The following GRID2 variants were observed in gnomAD, a reference collection of about 807,000 sequenced individuals.
GRID2 encodes glutamate ionotropic receptor delta type subunit 2.
Under a neutral mutation model 114.8 loss-of-function variants are expected in GRID2, and 33 were observed. The ratio of observed to expected loss-of-function variants is 0.29; its 90% CI spans 0.22 to 0.38. The LOEUF (loss-of-function observed/expected upper bound fraction) is 0.38, where lower values mean the gene tolerates loss of function less well. Ranked by LOEUF, GRID2 falls within the 10% of genes least tolerant of loss-of-function variation. GRID2 has a pLI of 1.00. For missense variants in GRID2, 1,184 were observed against 1,257.7 expected (o/e 0.94, Z 0.89); for synonymous variants, 505 against 449.9 (o/e 1.12, Z -1.55).
At chr4:93,221,390 G>A (rs1744856999) in intron 6 of GRID2, among the ~76,000 whole-genome samples, 1 of 152,152 alleles carries the variant, frequency 6.6e-6, no homozygotes, top group Admixed American at 6.6e-5. Flanking sequence ...GAGGAGGTGA[G>A]TGTGGAGATT....
At chr4:92,671,712 G>A (rs181936093) in intron 2 of GRID2, among the ~76,000 whole-genome samples, 16 of 152,212 alleles carry the variant, frequency 1.1e-4, no homozygotes. Flanking sequence ...CAATGTACTG[G>A]ATAGTGAGAA....
chr4:93,347,499 C>G (rs564794538), intron 8 of GRID2, among the ~76,000 whole-genome samples: 87 of 152,096 alleles, frequency 5.7e-4, no homozygotes, highest in African/African-American at 1.9e-3. Context: ...GGAGAAAAAG[C>G]AGAGATTTCC....
chr4:93,530,633 AT>A (rs1369218911), intron 13 of GRID2, among the ~76,000 whole-genome samples: 1 of 152,124 alleles, frequency 6.6e-6, no homozygotes, highest in Non-Finnish European at 1.5e-5. Context: ...TTAACAATGT[AT>A]CCATCTCCAC....
chr4:93,172,915 T>G (rs1053246933), intron 4 of GRID2, among the ~76,000 whole-genome samples: 1 of 152,244 alleles, frequency 6.6e-6, no homozygotes, highest in South Asian at 2.1e-4. Context: ...CTTAAACTTT[T>G]TTTTTTTTCA....
rs565096962 is a variant in GRID2 at position 93,796,781 on chromosome 4, C to A, written c.222-9934C>A. Among the ~76,000 whole-genome samples the A allele has an allele frequency of 2.6e-4, 39 of 152,236 alleles. No homozygotes were observed. In the East Asian group the frequency reaches 7.4e-3, roughly 29 times the overall value. The stretch of plus-strand genomic sequence containing the variant: ...GCCAGGCTGGTCTCAAACTGCTGAC[C>A]TCAAGTGATCTACCTGCCTTGGCCT... On this transcript the variant is annotated intron_variant, in intron 1 of 1. Coordinates refer to the GRID2 transcript ENST00000637838.
chr4:92,669,022 T>C (rs1732922422), intron 2 of GRID2, among the ~76,000 whole-genome samples: 1 of 151,908 alleles, frequency 6.6e-6, no homozygotes, highest in Admixed American at 6.6e-5. Flanking sequence ...CTTTGTTTCT[T>C]CACTCTTGCG....
intron 14 of GRID2, among the ~76,000 whole-genome samples, chr4:93,729,877 G>A (rs1730322365): frequency 6.6e-6 from 1 of 152,128 alleles, no homozygotes; most frequent in Admixed American, 6.5e-5. Flanking sequence ...ATAATTAAAT[G>A]GTTCAGCTTC....
chr4:93,581,689 A>G lies in GRID2; in HGVS notation c.2194-44580A>G, dbSNP rs552625563. ...CTAGAGATAGTCAGGGCTAAATTCT[A>G]TGTCTGCTAATTAACTCAGAACTCT... On this transcript the variant is annotated intron_variant, in intron 13 of 15. Coordinates refer to ENST00000282020, the MANE Select transcript of GRID2 (RefSeq NM_001510.4). Among the ~76,000 whole-genome samples the G allele has an allele frequency of 1.8e-4, 27 of 152,232 alleles. No homozygotes were observed. The South Asian group carries it at 5.2e-3, about 29-fold the overall frequency.
chr4:92,819,999 G>C (rs1741169395), intron 2 of GRID2, among the ~76,000 whole-genome samples: 1 of 152,104 alleles, frequency 6.6e-6, no homozygotes, highest in African/African-American at 2.4e-5. Flanking sequence ...CAATTGCGTA[G>C]TACCATTTAC....
intron 2 of GRID2, among the ~76,000 whole-genome samples, chr4:93,048,835 A>C (rs1215167516): frequency 1.3e-5 from 2 of 152,058 alleles, no homozygotes; most frequent in Admixed American, 1.3e-4. Context: ...CCTTTTCCGG[A>C]GCATGATTTT....
intron 4 of GRID2, among the ~76,000 whole-genome samples, chr4:93,137,966 G>GTTTTTTTTTTTT (rs753814961): frequency 1.3e-4 from 10 of 78,402 alleles, no homozygotes; most frequent in Admixed American, 2.1e-4. Flanking sequence ...TTTTTTCTTC[G>GTTTTTTTTTTTT]TTTTTTTTTT....
chr4:93,571,572 G>C (rs920994034), intron 13 of GRID2, among the ~76,000 whole-genome samples: 1 of 151,972 alleles, frequency 6.6e-6, no homozygotes, highest in African/African-American at 2.4e-5. Context: ...GCCTTTAATT[G>C]AAAAATTTAT....
At chr4:92,775,979 G>A (rs898598834) in intron 2 of GRID2, among the ~76,000 whole-genome samples, 1 of 151,978 alleles carries the variant, frequency 6.6e-6, no homozygotes. Context: ...ATTGTCATAC[G>A]GAAGATAATT....
chr4:92,731,732 A>G (rs552856675), intron 2 of GRID2, among the ~76,000 whole-genome samples: 34 of 152,054 alleles, frequency 2.2e-4, no homozygotes, highest in African/African-American at 7.9e-4. Flanking sequence ...TTCTTATCAC[A>G]TTTGTTCTCT....
At chr4:93,304,495 C>A (rs2149174168) in intron 8 of GRID2, among the ~76,000 whole-genome samples, 1 of 151,818 alleles carries the variant, frequency 6.6e-6, no homozygotes, top group Middle Eastern at 3.4e-3. Flanking sequence ...ACTTCAGAGC[C>A]TTTGATAAGT....
chr4:92,834,517 A>G (rs1055283472), intron 2 of GRID2, among the ~76,000 whole-genome samples: 1 of 152,094 alleles, frequency 6.6e-6, no homozygotes, highest in Non-Finnish European at 1.5e-5. Flanking sequence ...TTGTCGTTTA[A>G]TCAGGCAGTA....
intron 1 of GRID2, among the ~76,000 whole-genome samples, chr4:92,421,582 T>TG (rs1294993780): frequency 6.6e-6 from 1 of 152,120 alleles, no homozygotes; most frequent in Non-Finnish European, 1.5e-5. Flanking sequence ...AGTCTGGTAG[T>TG]GGGTCCAAGG....
At chr4:92,507,893 T>G (rs1724055234) in intron 1 of GRID2, among the ~76,000 whole-genome samples, 1 of 151,968 alleles carries the variant, frequency 6.6e-6, no homozygotes, top group Non-Finnish European at 1.5e-5. Flanking sequence ...ATATGGTCCA[T>G]GCTTTGGGCT....
chr4:93,509,088 G>T (rs976601127), intron 12 of GRID2, among the ~76,000 whole-genome samples: 8 of 152,184 alleles, frequency 5.3e-5, no homozygotes, highest in Non-Finnish European at 1.2e-4. Context: ...TTTTCTAAGG[G>T]CAGTGAAGTA....
Sources: allele counts gnomAD v4.1 joint callset (sites outside exome capture counted in the v4.1 genomes callset), GRCh38; gene constraint gnomAD v4.1.1; transcripts MANE v1.5; gene names NCBI Gene and HGNC (gene_info 2026-07-23, HGNC 2026-07-21).